GNAI2: variants seen among roughly 807,000 people sequenced by gnomAD.
GNAI2 encodes the protein guanine nucleotide-binding protein G(i) subunit alpha-2.
Under a neutral mutation model 36.8 loss-of-function variants are expected in GNAI2, and 4 were observed. The observed-to-expected ratio is 0.11, with a 90% CI of 0.05 to 0.25. The LOEUF is 0.25. Ranked by LOEUF, GNAI2 falls within the 10% of genes least tolerant of loss-of-function variation. GNAI2 has a pLI of 1.00. For synonymous variants in GNAI2, 194 were observed against 194.1 expected (o/e 1.00, Z 0.01); for missense variants, 230 against 481.3 (o/e 0.48, Z 4.89).
chr3:50,254,315 C>G (rs938830199), intron 4 of GNAI2, among the ~76,000 whole-genome samples: 1 of 152,118 alleles, frequency 6.6e-6, no homozygotes, highest in Non-Finnish European at 1.5e-5. Context: ...AGGCTGCTGT[C>G]CCTGTACTCT....
intron 1 of GNAI2, among the ~76,000 whole-genome samples, chr3:50,245,778 CAGAA>C (rs1553701675): frequency 6.6e-6 from 1 of 152,240 alleles, no homozygotes; most frequent in Non-Finnish European, 1.5e-5. Flanking sequence ...CACCTTGCCC[CAGAA>C]AGACTTTCCC....
chr3:50,228,450 G>T (rs1700015606), upstream of GNAI2, among the ~76,000 whole-genome samples: 1 of 151,804 alleles, frequency 6.6e-6, no homozygotes, highest in South Asian at 2.1e-4. Flanking sequence ...CTACTCAGAG[G>T]CTGAGGCAGG....
upstream of GNAI2, chr3:50,230,709 A>G (rs984401924): frequency 1.9e-5 from 12 of 644,464 alleles, no homozygotes; most frequent in African/African-American, 2.2e-4. Flanking sequence ...CCACTTCTCC[A>G]TTCCAGCTGA....
rs1553703691 is a variant in GNAI2 at position 50,258,876 on chromosome 3, T to G, written c.*533T>G. On this transcript the variant is annotated 3_prime_UTR_variant, in exon 9 of 9. Transcript: ENST00000313601. ...AGTCCACCTGCTCATTCTCGTAGCT[T>G]TTTAAAAAAATGAAAGTAAAGGAAA... 2.3e-6 allele frequency: 1 copy of G among 440,486 alleles called. No individual in the cohort carries two copies. The highest frequency in any genetic ancestry group is 2.7e-5 in the Admixed American group (1 of 37,318). The allele number at this position is 440,486 out of a possible 1,614,324, so 27.3% of individuals were successfully genotyped here.
At chr3:50,256,359 G>A in intron 5 of GNAI2, 39 bp downstream of exon 5, 1 of 1,601,088 alleles carries the variant, frequency 6.2e-7, no homozygotes, top group South Asian at 1.1e-5. Context: ...GGCAGGACCT[G>A]CCAGCCTCTG....
chr3:50,253,238 A>C lies in GNAI2; in HGVS notation c.464+54A>C. 1 of 1,439,460 alleles carries C rather than the reference A, an allele frequency of 6.9e-7. No homozygotes were observed. Among genetic ancestry groups the C allele is most frequent in the Non-Finnish European group, 9.6e-7 (1 of 1,045,360 alleles). The allele number at this position is 1,439,460 out of a possible 1,614,324, so 89.2% of individuals were successfully genotyped here. ...AGGGCAGGGGCTGGGGGAGGACTAA[A>C]GGCTGGACCGGAGGGCCTGAGAACC... On this transcript the variant is annotated intron_variant, in intron 4 of 8. Coordinates refer to ENST00000313601, the MANE Select transcript of GNAI2 (RefSeq NM_002070.4). The surrounding 1 kb of genome is among the most constrained non-coding windows in gnomAD (Gnocchi z 4.2).
chr3:50,246,574 TG>T (rs151280499), intron 1 of GNAI2, among the ~76,000 whole-genome samples: 1 of 152,214 alleles, frequency 6.6e-6, no homozygotes, highest in African/African-American at 2.4e-5. Context: ...TGTGGCAGTG[TG>T]GGCGGGCCTG....
upstream of GNAI2, among the ~76,000 whole-genome samples, chr3:50,234,368 T>C (rs1426560456): frequency 6.6e-6 from 1 of 150,844 alleles, no homozygotes; most frequent in Non-Finnish European, 1.5e-5. Flanking sequence ...TTTTTTTTTT[T>C]TTTGAAATGG....
At chr3:50,235,270 C>G (rs1342560538), upstream of GNAI2, 2 of 152,118 alleles carry the variant, frequency 1.3e-5, no homozygotes, top group South Asian at 2.1e-4. Context: ...GAGAAGCCAC[C>G]CAGCTAAAGG....
At chr3:50,237,226 C>T (rs1700194392) in intron 1 of GNAI2, among the ~76,000 whole-genome samples, 1 of 152,344 alleles carries the variant, frequency 6.6e-6, no homozygotes, top group Non-Finnish European at 1.5e-5. Flanking sequence ...CCTAGGCTGC[C>T]TTATGCAGAA....
At chr3:50,246,474 A>G (rs1400612032) in intron 1 of GNAI2, among the ~76,000 whole-genome samples, 1 of 152,132 alleles carries the variant, frequency 6.6e-6, no homozygotes, top group East Asian at 1.9e-4. Context: ...CTGGGATAAG[A>G]GAAGGAGGTG....
At chr3:50,235,681 G>C (rs1700146719), upstream of GNAI2, among the ~76,000 whole-genome samples, 1 of 152,168 alleles carries the variant, frequency 6.6e-6, no homozygotes, top group Non-Finnish European at 1.5e-5. Context: ...CCCGCCTTAA[G>C]ACTGAGAAAA....
intron 1 of GNAI2, among the ~76,000 whole-genome samples, chr3:50,248,046 C>A (rs587630879): frequency 6.6e-6 from 1 of 152,332 alleles, no homozygotes; most frequent in Admixed American, 6.5e-5. Context: ...ACCAGCCTGG[C>A]CAACATGGTG....
upstream of GNAI2, chr3:50,227,241 C>A: frequency 3.4e-6 from 4 of 1,187,270 alleles, no homozygotes; most frequent in Non-Finnish European, 4.5e-6. The surrounding 1 kb of genome is among the most constrained non-coding windows in gnomAD (Gnocchi z 5.9). Flanking sequence ...GAGGTGGGGC[C>A]CCGCGCGGGG....
upstream of GNAI2, chr3:50,230,336 A>C (rs1439571628): frequency 6.6e-6 from 1 of 152,316 alleles, no homozygotes; most frequent in Non-Finnish European, 1.5e-5. Context: ...GTCTACAAGC[A>C]GTAGCTGCAA....
rs781842823 is a variant in GNAI2, at chr3:50,253,215, G to A, written c.464+31G>A. ...TGCTCTGAGGGGCTGGGCAGGGCAG[G>A]GCAGGGGCTGGGGGAGGACTAAAGG... is the stretch of plus-strand genomic sequence containing the variant. On this transcript the variant is annotated intron_variant, in intron 4 of 8. Transcript: ENST00000313601. This position sits in a 1 kb window ranked among gnomAD's most constrained non-coding sequence, Gnocchi z 4.2. 2 of 1,574,094 alleles carry A rather than the reference G, an allele frequency of 1.3e-6. No homozygotes were observed. The highest frequency in any genetic ancestry group is 1.7e-6 in the Non-Finnish European group (2 of 1,147,988).
At chr3:50,239,289 C>A (rs1553700747) in intron 1 of GNAI2, among the ~76,000 whole-genome samples, 1 of 152,222 alleles carries the variant, frequency 6.6e-6, no homozygotes, top group East Asian at 1.9e-4. Flanking sequence ...GCAGTTCTCT[C>A]TTGCCCCTGG....
chr3:50,245,572 G>A (rs991136958), intron 1 of GNAI2, among the ~76,000 whole-genome samples: 12 of 152,256 alleles, frequency 7.9e-5, no homozygotes, highest in Admixed American at 5.9e-4. Flanking sequence ...GGCCTCCAGG[G>A]AGACGGTGCC....
chr3:50,243,778 G>C (rs1241630142), intron 1 of GNAI2, among the ~76,000 whole-genome samples: 2 of 152,222 alleles, frequency 1.3e-5, no homozygotes. Context: ...TAGTGATTAA[G>C]CGCCTGCCTC....
Sources: allele counts gnomAD v4.1 joint callset (sites outside exome capture counted in the v4.1 genomes callset), GRCh38; gene constraint gnomAD v4.1.1; non-coding constraint Gnocchi (gnomAD v3.1); transcripts MANE v1.5; gene names NCBI Gene and HGNC (gene_info 2026-07-23, HGNC 2026-07-21).